ERI1: variants seen among roughly 807,000 people sequenced by gnomAD.
ERI1 encodes 3'-5' exoribonuclease 1.
ERI1 carries 39 observed loss-of-function variants against 39.7 expected under a neutral mutation model. The observed-to-expected ratio is 0.98, with a 90% CI of 0.76 to 1.28. The LOEUF (loss-of-function observed/expected upper bound fraction) is 1.28. Among genes scored for constraint, ERI1 ranks in the 50% most tolerant of loss-of-function variants. The pLI is 0.00. For missense variants in ERI1, 581 were observed against 416.9 expected, an observed-to-expected ratio of 1.39 and a Z score of -3.43; for synonymous variants, 204 against 149.6, an observed-to-expected ratio of 1.36 and a Z score of -2.65.
chr8:9,048,217 C>T (rs1465058489), intron 3 of ERI1, among the ~76,000 whole-genome samples: 2 of 152,220 alleles, frequency 1.3e-5, no homozygotes, highest in Non-Finnish European at 2.9e-5. Flanking sequence ...GCTGGGCTGT[C>T]ATCTCTGGAG....
chr8:9,027,656 A>T (rs2956244), intron 6 of ERI1, among the ~76,000 whole-genome samples: 1 of 152,008 alleles, frequency 6.6e-6, no homozygotes, highest in Non-Finnish European at 1.5e-5. Flanking sequence ...ATTTTGTTAT[A>T]TGGTGTAAGG....
downstream of ERI1, among the ~76,000 whole-genome samples, chr8:9,036,826 G>C (rs146533443): frequency 1.3e-5 from 2 of 152,262 alleles, no homozygotes; most frequent in Non-Finnish European, 2.9e-5. Context: ...CCCTTGAAGT[G>C]TCCATTCTTG....
chr8:9,039,712 C>G (rs1292040482), intron 3 of ERI1, among the ~76,000 whole-genome samples: 3 of 152,140 alleles, frequency 2.0e-5, no homozygotes, highest in African/African-American at 4.8e-5. Context: ...ATAATATTAA[C>G]TTTTACTAGG....
At chr8:9,094,523 C>T (rs1009241113) in intron 3 of ERI1, among the ~76,000 whole-genome samples, 2 of 152,224 alleles carry the variant, frequency 1.3e-5, no homozygotes, top group African/African-American at 2.4e-5. Flanking sequence ...GAGATTGGCT[C>T]TGTTCCCTCT....
intron 6 of ERI1, among the ~76,000 whole-genome samples, chr8:9,021,762 T>C (rs572911139): frequency 1.0e-3 from 84 of 80,228 alleles, no homozygotes; most frequent in African/African-American, 3.3e-3. Flanking sequence ...GGCTATATTA[T>C]TTGTTTTTTT....
At chr8:9,095,441 T>G (rs1422404345) in intron 3 of ERI1, among the ~76,000 whole-genome samples, 1 of 152,184 alleles carries the variant, frequency 6.6e-6, no homozygotes, top group Non-Finnish European at 1.5e-5. Flanking sequence ...CATTGCAAAT[T>G]CAAATTGGCT....
At chr8:9,039,883 TGTG>T (rs1797962349) in intron 3 of ERI1, among the ~76,000 whole-genome samples, 1 of 152,214 alleles carries the variant, frequency 6.6e-6, no homozygotes, top group Non-Finnish European at 1.5e-5. Context: ...ACAAAATGAT[TGTG>T]GTCAGTTTTT....
In ERI1 at chr8:9,043,734, T is replaced by C. The variant is rs185573027; in HGVS notation, n.299+23270T>C. ...AGATATTATTTTTGTTTTATTTTCGTTGGAGACAGGGTCTCACTATCTTGC... is the reference window on the plus strand; with the variant it reads ...AGATATTATTTTTGTTTTATTTTCGCTGGAGACAGGGTCTCACTATCTTGC... On this transcript the variant is annotated intron_variant and non_coding_transcript_variant, in intron 3 of 3. Coordinates refer to the ERI1 transcript ENST00000518663. Among the ~76,000 whole-genome samples, 743 of 152,362 alleles carry C rather than the reference T, an allele frequency of 4.9e-3. 3 individuals are homozygous for C. The highest frequency in any genetic ancestry group is 0.014 in the Middle Eastern group (4 of 294).
At position 9,007,928 on chromosome 8, in the gene ERI1, C is replaced by G. The variant is rs200009353; in HGVS notation, c.109-42C>G. ...CTGTGATGTTTGTACTAATTATAAA[C>G]TACATCCTTTTTTTTTTTTTTTTTT... On this transcript the variant is annotated intron_variant, in intron 1 of 6. Transcript: ENST00000250263. The G allele has an allele frequency of 1.0e-4, 150 of 1,493,078 alleles. 3 individuals are homozygous for G. The African/African-American group carries it at 2.0e-3, about 20-fold the overall frequency. 92.5% of individuals were successfully genotyped at this position (1,493,078 alleles called of 1,614,324 possible). A position where few individuals can be genotyped will look rare whatever the true frequency, so the allele number is the denominator to read the frequency against.
rs1038790507 is a variant in ERI1, at chr8:9,095,378, C to T, written n.300-20970C>T. Among the ~76,000 whole-genome samples the T allele has an allele frequency of 2.0e-5, 3 of 152,084 alleles. 1 individual carries two copies. The highest frequency in any genetic ancestry group is 4.1e-4 in the South Asian group (2 of 4,826). On this transcript the variant is annotated intron_variant and non_coding_transcript_variant, in intron 3 of 3. Transcript: ENST00000518663. ...TCTCTACCTCTCCCTACTTGGAGTCCGTAGAGGGCTATCTCTTAATAAAAC... is the reference window on the plus strand; with the variant it reads ...TCTCTACCTCTCCCTACTTGGAGTCTGTAGAGGGCTATCTCTTAATAAAAC...
At chr8:9,009,774 G>C (rs1319325967) in intron 2 of ERI1, among the ~76,000 whole-genome samples, 1 of 152,190 alleles carries the variant, frequency 6.6e-6, no homozygotes. Context: ...TCCAGCTCAA[G>C]TGATTCACCC....
intron 3 of ERI1, among the ~76,000 whole-genome samples, chr8:9,074,991 T>C (rs1799161581): frequency 6.6e-6 from 1 of 152,140 alleles, no homozygotes; most frequent in African/African-American, 2.4e-5. Context: ...CGTGTTTACT[T>C]GCATTCCTCT....
chr8:9,044,037 G>T (rs904246416), intron 3 of ERI1, among the ~76,000 whole-genome samples: 1 of 152,042 alleles, frequency 6.6e-6, no homozygotes, highest in Non-Finnish European at 1.5e-5. Flanking sequence ...TACTGGTGGT[G>T]GGACCTCAGC....
chr8:9,094,974 C>CAT (rs1799831518), intron 3 of ERI1, among the ~76,000 whole-genome samples: 1 of 151,862 alleles, frequency 6.6e-6, no homozygotes, highest in Non-Finnish European at 1.5e-5. Flanking sequence ...GCTTAAAAAC[C>CAT]ATTATGGCAC....
At chr8:9,097,117 C>A (rs1329374864) in intron 3 of ERI1, among the ~76,000 whole-genome samples, 1 of 152,102 alleles carries the variant, frequency 6.6e-6, no homozygotes, top group Non-Finnish European at 1.5e-5. Flanking sequence ...CCCATTTACA[C>A]CCCCTCCATC....
intron 6 of ERI1, among the ~76,000 whole-genome samples, chr8:9,029,369 T>A (rs1313615591): frequency 6.6e-6 from 1 of 152,088 alleles, no homozygotes; most frequent in Non-Finnish European, 1.5e-5. Flanking sequence ...CGCTCTGTTG[T>A]TCAGGCTGGA....
At chr8:9,058,230 C>A (rs4841092) in intron 3 of ERI1, among the ~76,000 whole-genome samples, 9 of 152,040 alleles carry the variant, frequency 5.9e-5, no homozygotes, top group African/African-American at 2.2e-4. Flanking sequence ...ATCCAGGAAT[C>A]CGGCAGAGCT....
At chr8:9,025,469 C>T (rs151156147) in intron 6 of ERI1, among the ~76,000 whole-genome samples, 1 of 152,364 alleles carries the variant, frequency 6.6e-6, no homozygotes, top group African/African-American at 2.4e-5. Flanking sequence ...GCGCTTCTTC[C>T]AACTGCTCAG....
intron 6 of ERI1, among the ~76,000 whole-genome samples, chr8:9,023,686 T>C (rs952845552): frequency 7.5e-6 from 1 of 132,880 alleles, no homozygotes; most frequent in Non-Finnish European, 1.7e-5. Flanking sequence ...TTGTACCTTA[T>C]CTAAGACCTA....
Sources: gnomAD v4.1 joint callset for allele counts (sites outside exome capture counted in the v4.1 genomes callset) on GRCh38, gnomAD v4.1.1 for gene constraint, MANE v1.5 for transcripts, NCBI Gene and HGNC (gene_info 2026-07-23, HGNC 2026-07-21) for gene names.